Variants in ZNF236 observed in about 807,000 individuals in gnomAD.
The protein encoded by ZNF236 is zinc finger protein 236.
In ZNF236, 50 loss-of-function variants were observed where a neutral mutation model predicts 191.2. The ratio of observed to expected loss-of-function variants is 0.26; its 90% confidence interval spans 0.21 to 0.33. The LOEUF (loss-of-function observed/expected upper bound fraction) is 0.33, where lower values mean the gene tolerates loss of function less well. Among genes scored for constraint, ZNF236 ranks in the 10% least tolerant of loss-of-function variants. The pLI, the probability that ZNF236 is intolerant of heterozygous loss-of-function variation, is 1.00. For synonymous variants in ZNF236, 907 were observed against 928.8 expected, an observed-to-expected ratio of 0.98 and a Z score of 0.43; for missense variants, 1,754 against 2,374.5, an observed-to-expected ratio of 0.74 and a Z score of 5.43.
rs751074242 is a variant in ZNF236 at position 76,919,790 on chromosome 18, G to A, written c.3289G>A (p.Glu1097Lys). The part of the protein sequence containing the change: ...ETEGGDICME[E>K]EEEHSDRNAS... The stretch of plus-strand genomic sequence containing the variant: ...ATTTTGTGTAGACATTTGTATGGAG[G>A]AAGAGGAAGAACATTCTGACAGAAA... The change falls in exon 20 of 31, where the codon GAA becomes AAA. Residue 1097 changes from glutamate (E) to lysine (K), a missense_variant. By Grantham distance (56) the Glu-to-Lys change is moderately conservative. This residue lies in a region of ZNF236 where 641 missense variants were observed against 869.6 expected (regional missense o/e 0.74). Transcript: ENST00000320610. The surrounding 1 kb of genome is among the most constrained non-coding windows in gnomAD (Gnocchi z 5.3). The A allele has an allele frequency of 6.2e-7, 1 of 1,614,002 alleles. No homozygotes were observed. The highest frequency in any genetic ancestry group is 8.5e-7 in the Non-Finnish European group (1 of 1,179,882).
rs1976876455 is a variant in ZNF236 at position 76,880,980 on chromosome 18, CTATT to C, written c.1189-301_1189-298del. On this transcript the variant is annotated intron_variant, in intron 8 of 30. Coordinates refer to ENST00000320610, the MANE Select transcript of ZNF236 (RefSeq NM_001306089.2). This position sits in a 1 kb window ranked among gnomAD's most constrained non-coding sequence, Gnocchi z 5.0. The stretch of plus-strand genomic sequence containing the variant: ...AGCCTTAAAATAGGGATTCCCAAGA[CTATT>C]TAGAGACAACCAAAGTTGTGTGAGG... Among the ~76,000 whole-genome samples the C allele has an allele frequency of 6.6e-6, 1 of 152,124 alleles. No homozygotes were observed. Among genetic ancestry groups the C allele is most frequent in the African/African-American group, 2.4e-5 (1 of 41,416 alleles).
At chr18:76,823,837 CCG>C (rs1183656330) in intron 1 of ZNF236, among the ~76,000 whole-genome samples, 1 of 152,180 alleles carries the variant, frequency 6.6e-6, no homozygotes, top group African/African-American at 2.4e-5. Context: ...GTAGGGGGCG[CCG>C]CGCTTTTTCT....
At chr18:76,895,371 C>T (rs971079625) in intron 10 of ZNF236, 86 bp downstream of exon 10, 1 of 1,530,280 alleles carries the variant, frequency 6.5e-7, no homozygotes, top group Non-Finnish European at 8.8e-7. Context: ...ACAGGTATGG[C>T]ACACAGTAGG....
At chr18:76,892,755 C>T (rs1035371882) in intron 9 of ZNF236, among the ~76,000 whole-genome samples, 26 of 152,068 alleles carry the variant, frequency 1.7e-4, no homozygotes, top group Admixed American at 6.6e-5. Context: ...TTAGTAGAGA[C>T]GGGGTTTCTC....
At chr18:76,877,080 G>A (rs779644297) in intron 6 of ZNF236, among the ~76,000 whole-genome samples, 1 of 152,196 alleles carries the variant, frequency 6.6e-6, no homozygotes, top group Non-Finnish European at 1.5e-5. Context: ...TTTCAAGCTA[G>A]CCTTCATAGT....
intron 1 of ZNF236, among the ~76,000 whole-genome samples, chr18:76,840,622 A>T (rs1163904053): frequency 1.7e-5 from 2 of 115,482 alleles, no homozygotes; most frequent in African/African-American, 6.4e-5. Flanking sequence ...GTAAAGGTGA[A>T]TTTTTTTTTT....
At chr18:76,936,912 C>G (rs1318438019) in intron 25 of ZNF236, among the ~76,000 whole-genome samples, 2 of 152,166 alleles carry the variant, frequency 1.3e-5, no homozygotes, top group Non-Finnish European at 2.9e-5. Flanking sequence ...TCTTTGTTTA[C>G]TGGTTTTTCT....
rs987642950 is a variant in ZNF236 at position 76,859,888 on chromosome 18, A to G, written c.363+7949A>G. 3.3e-5 allele frequency among the ~76,000 whole-genome samples: 5 copies of G among 152,130 alleles called. No individual in the cohort carries two copies. The East Asian group carries it at 9.6e-4, about 29-fold the overall frequency. On this transcript the variant is annotated intron_variant, in intron 3 of 30. Transcript: ENST00000320610. ...ATGGGGTGGCCTGAGGCATCTAGAGATCTGCATGGGGTGCCTATTTTGGGA... is the reference window on the plus strand; with the variant it reads ...ATGGGGTGGCCTGAGGCATCTAGAGGTCTGCATGGGGTGCCTATTTTGGGA...
At chr18:76,941,015 T>A (rs192936675) in intron 26 of ZNF236, among the ~76,000 whole-genome samples, 1 of 152,296 alleles carries the variant, frequency 6.6e-6, no homozygotes, top group Non-Finnish European at 1.5e-5. Context: ...TGCCTGATGA[T>A]CTGATGTGGA....
At chr18:76,942,398 A>C (rs146591770) in intron 26 of ZNF236, among the ~76,000 whole-genome samples, 1 of 152,192 alleles carries the variant, frequency 6.6e-6, no homozygotes. Flanking sequence ...CTTATTATGT[A>C]TTATTTTTTG....
At chr18:76,963,930 G>T (rs1191381948) in intron 30 of ZNF236, among the ~76,000 whole-genome samples, 1 of 151,986 alleles carries the variant, frequency 6.6e-6, no homozygotes, top group East Asian at 1.9e-4. Context: ...CTCCCATTTC[G>T]CTTCTTATTG....
chr18:76,938,799 C>T (rs1314310769), intron 26 of ZNF236, among the ~76,000 whole-genome samples: 1 of 152,154 alleles, frequency 6.6e-6, no homozygotes. Flanking sequence ...AGCCAAGCAG[C>T]CCTGCCTACG....
chr18:76,955,321 G>T (rs1052662738), intron 27 of ZNF236, among the ~76,000 whole-genome samples: 1 of 152,172 alleles, frequency 6.6e-6, no homozygotes, highest in South Asian at 2.1e-4. Context: ...GAGGGCTGGG[G>T]TGGGAGGATT....
intron 9 of ZNF236, among the ~76,000 whole-genome samples, chr18:76,884,324 C>T (rs148698781): frequency 2.0e-5 from 3 of 151,880 alleles, no homozygotes; most frequent in Non-Finnish European, 2.9e-5. Context: ...TCGCTTGAAC[C>T]CGGGAAGTGG....
chr18:76,847,612 C>T (rs1171181839), intron 1 of ZNF236, among the ~76,000 whole-genome samples: 1 of 152,010 alleles, frequency 6.6e-6, no homozygotes, highest in Non-Finnish European at 1.5e-5. Flanking sequence ...GCTACAGGCG[C>T]CCACCACCAC....
intron 30 of ZNF236, among the ~76,000 whole-genome samples, chr18:76,967,524 TG>T (rs1568252150): frequency 1.5e-5 from 2 of 135,466 alleles, no homozygotes; most frequent in East Asian, 4.9e-4. Context: ...GTGTTGGAGG[TG>T]GTGGTGTGAT....
chr18:76,824,328 C>T (rs1439773276), intron 1 of ZNF236: 4 of 781,006 alleles, frequency 5.1e-6, no homozygotes, highest in Non-Finnish European at 7.2e-6. Flanking sequence ...TGGTGACCAA[C>T]AGGCGTTTCA....
chr18:76,871,262 G>A (rs1343696980), intron 4 of ZNF236, among the ~76,000 whole-genome samples: 2 of 152,204 alleles, frequency 1.3e-5, no homozygotes, highest in African/African-American at 2.4e-5. Context: ...GCTGTCCAGG[G>A]CTGGAGCCAG....
chr18:76,961,515 G>A (rs950493733), intron 30 of ZNF236, among the ~76,000 whole-genome samples: 2 of 152,086 alleles, frequency 1.3e-5, no homozygotes, highest in Non-Finnish European at 2.9e-5. Flanking sequence ...AAACATGCGT[G>A]TGCAAGTGTC....
Sources: allele counts gnomAD v4.1 joint callset (sites outside exome capture counted in the v4.1 genomes callset), GRCh38; gene constraint gnomAD v4.1.1; regional missense constraint gnomAD v4.1.1; non-coding constraint Gnocchi (gnomAD v3.1); transcripts MANE v1.5; gene names NCBI Gene and HGNC (gene_info 2026-07-23, HGNC 2026-07-21).